The following KIAA1210 variants were observed in gnomAD, a reference collection of about 807,000 sequenced individuals.
The protein encoded by KIAA1210 is acrosomal protein KIAA1210.
A neutral mutation model predicts 78.9 loss-of-function variants in KIAA1210; 48 were observed. The observed-to-expected ratio is 0.61, with a 90% CI of 0.48 to 0.77. KIAA1210 has a LOEUF of 0.77. KIAA1210 is among the 30% of genes least tolerant of loss of function. KIAA1210 has a pLI of 0.00. For missense variants in KIAA1210, 1,108 were observed against 1,100.0 expected, an observed-to-expected ratio of 1.01 and a Z score of -0.10; for synonymous variants, 406 against 404.5, an observed-to-expected ratio of 1.00 and a Z score of -0.04.
rs3049064 is a variant in KIAA1210, at chrX:119,092,759, T to TTAAATAAATAAATAAA, written c.955+892_955+907dup. On this transcript the variant is annotated intron_variant, in intron 8 of 11. Transcript: ENST00000691062. ...CTGGGTGACAGAGTGAGACTCCGTC[T>TTAAATAAATAAATAAA]TAAATAAATAAATAAATAAATAAAT... Among the ~76,000 whole-genome samples, 405 of 85,305 alleles carry TTAAATAAATAAATAAA rather than the reference T, an allele frequency of 4.7e-3. 1 individual carries two copies. Among genetic ancestry groups the TTAAATAAATAAATAAA allele is most frequent in the Non-Finnish European group, 7.0e-3 (308 of 43,710 alleles). The allele number at this position is 85,305 out of a possible 115,157, so 74.1% of individuals were successfully genotyped here.
chrX:119,117,278 G>A (rs959990944), intron 2 of KIAA1210, among the ~76,000 whole-genome samples: 5 of 112,398 alleles, frequency 4.4e-5, no homozygotes, highest in African/African-American at 1.6e-4. Context: ...GGAGATGGCC[G>A]GGAATCAGAA....
At chrX:119,133,110 G>A (rs1167161427) in intron 2 of KIAA1210, among the ~76,000 whole-genome samples, 5 of 111,476 alleles carry the variant, frequency 4.5e-5, no homozygotes, top group South Asian at 3.8e-4. Context: ...ATTGAGGAAC[G>A]AGGAACCACC....
chrX:119,117,950 G>A (rs981664746), intron 2 of KIAA1210, among the ~76,000 whole-genome samples: 1 of 111,234 alleles, frequency 9.0e-6, no homozygotes, highest in African/African-American at 3.3e-5. Flanking sequence ...TCTTTATTGT[G>A]CTTATTAAGA....
chrX:119,100,141 T>C (rs988061666), intron 6 of KIAA1210, among the ~76,000 whole-genome samples: 7 of 108,324 alleles, frequency 6.5e-5, no homozygotes, highest in Non-Finnish European at 3.8e-5. Flanking sequence ...GCTAACATGG[T>C]GAAACCCCGT....
At chrX:119,147,056 C>A (rs1404175252) in intron 2 of KIAA1210, among the ~76,000 whole-genome samples, 3 of 111,269 alleles carry the variant, frequency 2.7e-5, no homozygotes, top group Non-Finnish European at 5.7e-5. Context: ...TTTCAAATGG[C>A]CTAAATTTGC....
In KIAA1210 at chrX:119,112,875, G is replaced by T. The variant is rs768345130; in HGVS notation, c.230+3621C>A. On this transcript the variant is annotated intron_variant, in intron 3 of 11. Coordinates refer to ENST00000691062, the MANE Select transcript of KIAA1210 (RefSeq NM_001394962.1). ...CCCAGAGAAATAAAAACATATATCT[G>T]CCCCAAAACTTATACACAAATGTTC... 1.3e-4 allele frequency among the ~76,000 whole-genome samples: 14 copies of T among 111,731 alleles called. No homozygotes were observed. In the East Asian group the frequency reaches 3.4e-3, roughly 27 times the overall value.
intron 2 of KIAA1210, 110 bp from the exon 3 acceptor site, chrX:119,116,774 C>T (rs1928281649): frequency 1.5e-6 from 1 of 688,007 alleles, no homozygotes; most frequent in Non-Finnish European, 2.1e-6. Flanking sequence ...CCCAGGTGTC[C>T]TGCAGAGCTT....
intron 7 of KIAA1210, among the ~76,000 whole-genome samples, chrX:119,095,159 C>A (rs1033188787): frequency 1.8e-5 from 2 of 112,461 alleles, no homozygotes; most frequent in African/African-American, 6.5e-5. Context: ...AGACTGGATT[C>A]TGGCCCTAGC....
exon 1 of KIAA1210, chrX:119,150,432 G>T (rs2147203933): frequency 8.3e-7 from 1 of 1,211,813 alleles, no homozygotes; most frequent in East Asian, 3.0e-5. Flanking sequence ...GTCAACCAAA[G>T]ACAACTGCAA....
Position 119,088,181 on chromosome X carries a change from G to GATAT in KIAA1210, c.2520_2521insATAT (p.Leu841IlefsTer26). 1 of 1,210,692 alleles carries GATAT rather than the reference G, an allele frequency of 8.3e-7. No homozygotes were observed. The highest frequency in any genetic ancestry group is 1.8e-5 in the South Asian group (1 of 56,898). On this transcript the variant is annotated frameshift_variant, in exon 9 of 12. Transcript: ENST00000691062. LOFTEE classifies it high-confidence loss of function. ...GACTGAGGAGAATATCTGGGGAGTA[G>GATAT]TGGCTCCACAGAAATGACTCTCTCA...
intron 2 of KIAA1210, among the ~76,000 whole-genome samples, chrX:119,121,018 A>G (rs1215235964): frequency 1.8e-5 from 2 of 110,795 alleles, no homozygotes; most frequent in African/African-American, 6.6e-5. Flanking sequence ...CCCTAACTGT[A>G]TCCAACACCC....
At position 119,089,674 on chromosome X, in the gene KIAA1210, G is replaced by A; in HGVS notation, c.1028C>T (p.Thr343Ile). ...DKKTTDQAPN[T>I]DASRSQGYPM... ...ATAGCCCTGACTCCGAGAAGCATCA[G>A]TGTTTGGAGCCTGGTCTGTTGTCTT... The change falls in exon 9 of 12, where the codon ACT (threonine) becomes ATT (isoleucine). Residue 343 changes from threonine (T) to isoleucine (I), a missense_variant. Physicochemically the swap from Thr to Ile is moderately conservative, Grantham distance 89 (BLOSUM62 -1). This residue lies in a region of KIAA1210 where 672 missense variants were observed against 607.1 expected (regional missense o/e 1.11). Coordinates refer to ENST00000691062, the MANE Select transcript of KIAA1210 (RefSeq NM_001394962.1). 8.3e-7 allele frequency: 1 copy of A among 1,211,388 alleles called. No homozygotes were observed. Among genetic ancestry groups the A allele is most frequent in the Non-Finnish European group, 1.1e-6 (1 of 895,238 alleles).
At chrX:119,114,205 T>A (rs1001423714) in intron 3 of KIAA1210, among the ~76,000 whole-genome samples, 1 of 111,491 alleles carries the variant, frequency 9.0e-6, no homozygotes, top group Non-Finnish European at 1.9e-5. Flanking sequence ...ATGGATATAT[T>A]TGATAATGAC....
At chrX:119,119,435 T>C (rs1173155029) in intron 2 of KIAA1210, among the ~76,000 whole-genome samples, 1 of 112,316 alleles carries the variant, frequency 8.9e-6, no homozygotes, top group African/African-American at 3.2e-5. Context: ...TTGGGAAAAC[T>C]TGGCAATTCT....
chrX:119,095,836 C>T (rs1272455426), intron 7 of KIAA1210, among the ~76,000 whole-genome samples: 2 of 112,152 alleles, frequency 1.8e-5, no homozygotes, highest in Non-Finnish European at 3.8e-5. Flanking sequence ...TATAGTGTGG[C>T]CCTGAAGGAC....
intron 11 of KIAA1210, among the ~76,000 whole-genome samples, chrX:119,082,267 T>C (rs1386100408): frequency 1.8e-5 from 2 of 112,483 alleles, no homozygotes; most frequent in African/African-American, 6.5e-5. Context: ...TGTGATTCAC[T>C]TGATAGGAGT....
chrX:119,089,792 A>G (rs1231263328), intron 8 of KIAA1210, 46 bp from the exon 9 acceptor site: 1 of 1,096,626 alleles, frequency 9.1e-7, no homozygotes, highest in African/African-American at 1.8e-5. Context: ...TGTGACTTTC[A>G]CTTCCTAAAA....
intron 2 of KIAA1210, among the ~76,000 whole-genome samples, chrX:119,133,186 A>G: frequency 9.0e-6 from 1 of 111,586 alleles, no homozygotes; most frequent in East Asian, 2.8e-4. Context: ...CCTCCAGGGG[A>G]AAGGAGGCTA....
At position 119,081,378 on chromosome X, in the gene KIAA1210, G is replaced by T; in HGVS notation, c.4553C>A (p.Ala1518Asp). 8.3e-7 allele frequency: 1 copy of T among 1,208,409 alleles called. No homozygotes were observed. The highest frequency in any genetic ancestry group is 1.1e-6 in the Non-Finnish European group (1 of 893,753). ...EPIEPVWFSL[A>D]RKKAKAWSHM... ...GCTCCATGCTTTGGCTTTCTTCCTGGCCAGTGAGAACCAGACAGGCTCAAT... is the reference window on the plus strand; with the variant it reads ...GCTCCATGCTTTGGCTTTCTTCCTGTCCAGTGAGAACCAGACAGGCTCAAT... Residue 1518 changes from alanine (A) to aspartate (D), a missense_variant, in exon 12 of 12, where the codon GCC becomes GAC. Physicochemically the swap from Ala to Asp is moderately radical, Grantham distance 126. Transcript: ENST00000691062.
Sources: gnomAD v4.1 joint callset for allele counts (sites outside exome capture counted in the v4.1 genomes callset) on GRCh38, gnomAD v4.1.1 for gene constraint, gnomAD v4.1.1 regional missense constraint, MANE v1.5 for transcripts, NCBI Gene and HGNC (gene_info 2026-07-23, HGNC 2026-07-21) for gene names.